Variants in HSF5 observed in about 807,000 individuals in gnomAD.
The protein encoded by HSF5 is heat shock factor protein 5.
Under a neutral mutation model 50.8 loss-of-function variants are expected in HSF5, and 5 were observed. The observed-to-expected ratio is 0.10, with a 90% CI of 0.05 to 0.21. The LOEUF (loss-of-function observed/expected upper bound fraction) is 0.21, where lower values mean the gene tolerates loss of function less well. HSF5 is among the 10% of genes least tolerant of loss of function. HSF5 has a pLI of 1.00. For missense variants in HSF5, 564 were observed against 762.6 expected (o/e 0.74, Z 3.07); for synonymous variants, 307 against 307.4 (o/e 1.00, Z 0.02).
intron 5 of HSF5, among the ~76,000 whole-genome samples, chr17:58,453,854 C>T (rs946079922): frequency 1.3e-5 from 2 of 151,608 alleles, no homozygotes; most frequent in African/African-American, 4.8e-5. Context: ...TTTGGGAGGC[C>T]GAGGTGGGCA....
intron 2 of HSF5, among the ~76,000 whole-genome samples, chr17:58,473,030 T>C (rs1237568359): frequency 6.6e-6 from 1 of 152,096 alleles, no homozygotes. Context: ...ACCCTCTTCA[T>C]GAGAGGCAGG....
At chr17:58,437,488 T>A (rs1204664333) in intron 5 of HSF5, among the ~76,000 whole-genome samples, 1 of 152,214 alleles carries the variant, frequency 6.6e-6, no homozygotes, top group Non-Finnish European at 1.5e-5. Context: ...TTTCCCGTAA[T>A]CCTATTATAT....
At chr17:58,436,757 AG>A (rs1974431827) in intron 5 of HSF5, among the ~76,000 whole-genome samples, 1 of 152,136 alleles carries the variant, frequency 6.6e-6, no homozygotes, top group East Asian at 1.9e-4. Flanking sequence ...ATCAAAAAAT[AG>A]AAGAGATACC....
At chr17:58,434,786 G>C (rs550034771) in intron 5 of HSF5, among the ~76,000 whole-genome samples, 1 of 152,174 alleles carries the variant, frequency 6.6e-6, no homozygotes, top group Non-Finnish European at 1.5e-5. Flanking sequence ...CCGGGAAGTC[G>C]AGGTTGCAGT....
At chr17:58,474,851 G>A (rs554298364) in intron 2 of HSF5, among the ~76,000 whole-genome samples, 2 of 152,236 alleles carry the variant, frequency 1.3e-5, no homozygotes, top group African/African-American at 4.8e-5. Flanking sequence ...AAATTGCTGG[G>A]ATTACAGGTG....
chr17:58,481,817 T>C (rs988959148), intron 1 of HSF5, among the ~76,000 whole-genome samples: 3 of 152,146 alleles, frequency 2.0e-5, no homozygotes, highest in African/African-American at 7.2e-5. Flanking sequence ...CTCAGCAACA[T>C]GGTGAAACCC....
rs1434923093 is a variant in HSF5, at chr17:58,480,114, A to C, written c.704T>G (p.Leu235Arg). The C allele has an allele frequency of 6.2e-7, 1 of 1,614,024 alleles. No homozygotes were observed. The highest frequency in any genetic ancestry group is 8.5e-7 in the Non-Finnish European group (1 of 1,180,006). ...CTCCACTTGTCCAGGATGCATTCCA[A>C]GGGAGTTCTGCCATATTCTATGAGG... ...PVPHRIWQNS[L>R]GMHPGQVETS... Residue 235 changes from leucine to arginine, a missense_variant, in exon 2 of 6, where the codon CTT becomes CGT. Coordinates refer to ENST00000323777, the MANE Select transcript of HSF5 (RefSeq NM_001080439.3).
chr17:58,477,061 C>T (rs1255945713), intron 2 of HSF5: 14 of 510,322 alleles, frequency 2.7e-5, no homozygotes, highest in Middle Eastern at 5.3e-4. Context: ...CCACCTCCTC[C>T]CAGCGCTGCC....
intron 5 of HSF5, among the ~76,000 whole-genome samples, chr17:58,445,647 T>A (rs1050768722): frequency 2.6e-5 from 4 of 152,220 alleles, no homozygotes. Context: ...GCTGCATGAT[T>A]CCACTTATAT....
At chr17:58,454,021 G>GA (rs748183200) in intron 5 of HSF5, among the ~76,000 whole-genome samples, 60 of 152,254 alleles carry the variant, frequency 3.9e-4, no homozygotes, top group Non-Finnish European at 5.9e-4. Context: ...TTGAACCTGG[G>GA]AGGCAGAGGT....
At chr17:58,439,126 C>G (rs1974465911) in intron 5 of HSF5, among the ~76,000 whole-genome samples, 1 of 144,398 alleles carries the variant, frequency 6.9e-6, no homozygotes, top group Non-Finnish European at 1.5e-5. Flanking sequence ...GACCCTGCCT[C>G]AAAAAAAAAA....
chr17:58,422,859 C>T (rs192237824), intron 5 of HSF5, among the ~76,000 whole-genome samples: 4 of 152,184 alleles, frequency 2.6e-5, no homozygotes, highest in Admixed American at 6.5e-5. Context: ...CCACGCACGG[C>T]TAATTTTTAT....
chr17:58,463,301 A>T lies in HSF5; in HGVS notation c.1023T>A (p.Asn341Lys), dbSNP rs1431892937. 1 of 1,605,020 alleles carries T rather than the reference A, an allele frequency of 6.2e-7. No homozygotes were observed. Among genetic ancestry groups the T allele is most frequent in the South Asian group, 1.1e-5 (1 of 90,242 alleles). ...CTGGATAGGAGGACTGCATTGAAGG[A>T]TTCTGGGAAAAGAAAAAATATAACT... is the stretch of plus-strand genomic sequence containing the variant. ...SSYAHCNYFQ[N>K]PSMQSSYPVE... Residue 341 changes from asparagine to lysine, a missense_variant and splice_region_variant, in exon 4 of 6, where the codon AAT (asparagine) becomes AAA (lysine). Around this residue, in one of 5 missense-constraint regions of HSF5, gnomAD observed 441 missense variants for 533.6 expected, o/e 0.83. Coordinates refer to ENST00000323777, the MANE Select transcript of HSF5 (RefSeq NM_001080439.3).
At chr17:58,426,585 C>T (rs893435921) in intron 5 of HSF5, among the ~76,000 whole-genome samples, 1 of 152,142 alleles carries the variant, frequency 6.6e-6, no homozygotes, top group Admixed American at 6.5e-5. Context: ...AAAATCTCAT[C>T]CATAATCCAA....
chr17:58,455,256 G>A (rs567579503), intron 5 of HSF5, among the ~76,000 whole-genome samples: 3 of 152,184 alleles, frequency 2.0e-5, no homozygotes, highest in South Asian at 4.1e-4. Context: ...AATAGTGCTG[G>A]GAAATTTGGA....
At chr17:58,467,369 T>A (rs1050387344) in intron 2 of HSF5, among the ~76,000 whole-genome samples, 2 of 152,102 alleles carry the variant, frequency 1.3e-5, no homozygotes, top group African/African-American at 4.8e-5. Context: ...GAGGGTGGAG[T>A]GTTTTAAAAG....
At chr17:58,458,994 C>A in intron 4 of HSF5, 49 bp from the exon 5 acceptor site, 1 of 1,497,920 alleles carries the variant, frequency 6.7e-7, no homozygotes, top group Admixed American at 1.9e-5. Context: ...CAAATATCTG[C>A]TAAAAGTTAA....
At chr17:58,460,415 AT>A (rs1447550296) in intron 4 of HSF5, among the ~76,000 whole-genome samples, 2 of 151,844 alleles carry the variant, frequency 1.3e-5, no homozygotes, top group African/African-American at 2.4e-5. Flanking sequence ...TTATGAATTT[AT>A]TTTAAAATAA....
At chr17:58,449,959 C>T (rs1424477599) in intron 5 of HSF5, among the ~76,000 whole-genome samples, 1 of 134,204 alleles carries the variant, frequency 7.5e-6, no homozygotes, top group East Asian at 2.2e-4. Context: ...GGAGACGGAG[C>T]TTGCAGTGAG....
Sources: allele counts gnomAD v4.1 joint callset (sites outside exome capture counted in the v4.1 genomes callset), GRCh38; gene constraint gnomAD v4.1.1; regional missense constraint gnomAD v4.1.1; transcripts MANE v1.5; gene names NCBI Gene and HGNC (gene_info 2026-07-23, HGNC 2026-07-21).